MTA2: variants seen among roughly 807,000 people sequenced by gnomAD.
MTA2 encodes the protein metastasis-associated protein MTA2.
MTA2 carries 22 observed loss-of-function variants against 87.1 expected under a neutral mutation model. The observed-to-expected ratio is 0.25, with a 90% CI of 0.18 to 0.36. MTA2 has a LOEUF of 0.36. Among genes scored for constraint, MTA2 ranks in the 10% least tolerant of loss-of-function variants. MTA2 has a pLI of 1.00. For missense variants in MTA2, 542 were observed against 853.2 expected, an observed-to-expected ratio of 0.64 and a Z score of 4.54; for synonymous variants, 314 against 310.1, an observed-to-expected ratio of 1.01 and a Z score of -0.13.
At position 62,598,152 on chromosome 11, in the gene MTA2, GGA is replaced by G; in HGVS notation, c.373-13_373-12del. On this transcript the variant is annotated splice_polypyrimidine_tract_variant and intron_variant, in intron 5 of 17. Coordinates refer to ENST00000278823, the MANE Select transcript of MTA2 (RefSeq NM_004739.4). ...GTAAAAAAAGCAGTCCTGGAATTGGGGAGAGACAAGGTAAGCAAGGCAGCAAT... is the reference window on the plus strand; with the variant it reads ...GTAAAAAAAGCAGTCCTGGAATTGGGGAGACAAGGTAAGCAAGGCAGCAAT... 3 of 1,613,124 alleles carry G rather than the reference GGA, an allele frequency of 1.9e-6. No individual in the cohort carries two copies. The highest frequency in any genetic ancestry group is 2.5e-6 in the Non-Finnish European group (3 of 1,179,192).
At chr11:62,597,798 CTCT>C (rs1942119832) in intron 6 of MTA2, 86 bp from the exon 7 acceptor site, 2 of 1,131,022 alleles carry the variant, frequency 1.8e-6, no homozygotes, top group South Asian at 1.4e-5. Context: ...CCTCCTCCTT[CTCT>C]TCTTCTGCTT....
Position 62,596,722 on chromosome 11 carries a change from T to A in MTA2, c.797A>T (p.Glu266Val). ...CATGGCCTCTGAGGCTGACCATTCC[T>A]CCATCTCATCCCGACACAGCACCGG... ...GGPVLCRDEM[E>V]EWSASEAMLF... Residue 266 changes from glutamate to valine, a missense_variant, in exon 9 of 18, where the codon GAG becomes GTG. By Grantham distance (121) the Glu-to-Val change is moderately radical. Around this residue, in one of 6 missense-constraint regions of MTA2, gnomAD observed 44 missense variants for 104.8 expected, o/e 0.42. Transcript: ENST00000278823. 1 of 1,614,144 alleles carries A rather than the reference T, an allele frequency of 6.2e-7. No individual in the cohort carries two copies. The highest frequency in any genetic ancestry group is 8.5e-7 in the Non-Finnish European group (1 of 1,180,018).
chr11:62,597,926 C>T (rs1184000284), intron 6 of MTA2, 98 bp downstream of exon 6: 20 of 1,186,698 alleles, frequency 1.7e-5, no homozygotes, highest in Non-Finnish European at 2.4e-5. Flanking sequence ...CAGTGCACTG[C>T]ACAACCCCAG....
In MTA2 at chr11:62,594,498, C is replaced by A. The variant is rs1942070342; in HGVS notation, c.1692+18G>T. 6.2e-7 allele frequency: 1 copy of A among 1,613,694 alleles called. No individual in the cohort carries two copies. Among genetic ancestry groups the A allele is most frequent in the East Asian group, 2.2e-5 (1 of 44,876 alleles). On this transcript the variant is annotated intron_variant, in intron 16 of 17. Transcript: ENST00000278823. Reference sequence around the variant, plus strand: ...GCCCACCCAACTCAATCTGGCCCACCCCTTTCTGTCAACTCACAGTCTCAT... The same window carrying A: ...GCCCACCCAACTCAATCTGGCCCACACCTTTCTGTCAACTCACAGTCTCAT...
chr11:62,597,186 TCAAAA>T (rs1320737930), intron 8 of MTA2, 125 bp downstream of exon 8: 36 of 692,924 alleles, frequency 5.2e-5, no homozygotes, highest in East Asian at 2.0e-4. Context: ...AAGACTCCTC[TCAAAA>T]CAAAACAAAA....
rs12294636 is a variant in MTA2, at chr11:62,595,961, C to T, written c.1114+49G>A. The T allele has an allele frequency of 6.2e-7, 1 of 1,614,082 alleles. No individual in the cohort carries two copies. Among genetic ancestry groups the T allele is most frequent in the Non-Finnish European group, 8.5e-7 (1 of 1,179,946 alleles). On this transcript the variant is annotated intron_variant, in intron 12 of 17. Transcript: ENST00000278823. The surrounding 1 kb of genome is among the most constrained non-coding windows in gnomAD (Gnocchi z 4.9). ...CTAAGCCCCTCAGATTCTTGAGCCA[C>T]AGCAGGCCTTCCACCCATCCCCACC...
intron 8 of MTA2, 94 bp from the exon 9 acceptor site, chr11:62,596,919 G>A: frequency 6.2e-6 from 8 of 1,296,820 alleles, no homozygotes; most frequent in Non-Finnish European, 3.2e-6. Context: ...GCCGGGCGCG[G>A]TGGCTCACAC....
intron 16 of MTA2, 34 bp downstream of exon 16, chr11:62,594,482 A>G (rs1374827812): frequency 6.2e-7 from 1 of 1,613,164 alleles, no homozygotes; most frequent in Non-Finnish European, 8.5e-7. Flanking sequence ...AGCCCACCCA[A>G]CTCAATCTGG....
chr11:62,598,472 ATCT>A, intron 4 of MTA2, 47 bp downstream of exon 4: 1 of 1,607,016 alleles, frequency 6.2e-7, no homozygotes, highest in Non-Finnish European at 8.5e-7. Context: ...CCTTCTCTCC[ATCT>A]TCTACGTAAG....
intron 11 of MTA2, 72 bp downstream of exon 11, chr11:62,596,207 A>C: frequency 6.3e-7 from 1 of 1,592,868 alleles, no homozygotes; most frequent in Non-Finnish European, 8.6e-7. Context: ...GCCCACCCCC[A>C]ATCACTGAGG....
rs1242097609 is a variant in MTA2 at position 62,601,584 on chromosome 11, C to G, written c.-134G>C. ...GTCTCACTGGGGCCCGCGCAGCCGG[C>G]ACCTCCGCTGCCTCAGCCGTCGCGG... On this transcript the variant is annotated 5_prime_UTR_variant, in exon 1 of 18. Transcript: ENST00000278823. 1 of 1,041,534 alleles carries G rather than the reference C, an allele frequency of 9.6e-7. No individual in the cohort carries two copies. The highest frequency in any genetic ancestry group is 1.3e-6 in the Non-Finnish European group (1 of 747,942). The allele number at this position is 1,041,534 out of a possible 1,614,324, so 64.5% of individuals were successfully genotyped here. A position where few individuals can be genotyped will look rare whatever the true frequency, so the allele number is the denominator to read the frequency against.
At position 62,593,809 on chromosome 11, in the gene MTA2, G is replaced by A. The variant is rs1411651380; in HGVS notation, c.*66C>T. 1 of 1,588,068 alleles carries A rather than the reference G, an allele frequency of 6.3e-7. No homozygotes were observed. The highest frequency in any genetic ancestry group is 1.3e-5 in the African/African-American group (1 of 74,270). On this transcript the variant is annotated 3_prime_UTR_variant, in exon 18 of 18. Transcript: ENST00000278823. ...TCACTCCCTTCGACACGAAAGGGAA[G>A]GGAGGTTTGGGTGCCCTGGGCATCC...
At position 62,601,430 on chromosome 11, in the gene MTA2, C is replaced by T. The variant is rs1942197603; in HGVS notation, c.21G>A (p.Arg7=). 1.2e-6 allele frequency: 2 copies of T among 1,610,948 alleles called. No individual in the cohort carries two copies. Among genetic ancestry groups the T allele is most frequent in the South Asian group, 1.1e-5 (1 of 90,824 alleles). The change falls in exon 1 of 18, where the codon CGG becomes CGA. Residue 7 remains arginine, a synonymous_variant. Coordinates refer to ENST00000278823, the MANE Select transcript of MTA2 (RefSeq NM_004739.4). MAANMY[R]VGDYVYFENS... ...CCTGCGCCCGGTACTCACCTCCCACCCGGTACATGTTGGCCGCCATGGCCG... is the reference window on the plus strand; with the variant it reads ...CCTGCGCCCGGTACTCACCTCCCACTCGGTACATGTTGGCCGCCATGGCCG...
Position 62,594,369 on chromosome 11 carries a change from C to A in MTA2, c.1731G>T (p.Arg577Ser). The A allele has an allele frequency of 6.2e-7, 1 of 1,614,184 alleles. No homozygotes were observed. Among genetic ancestry groups the A allele is most frequent in the South Asian group, 1.1e-5 (1 of 91,084 alleles). The stretch of plus-strand genomic sequence containing the variant: ...TTGAACGAATCCCTGAAGCCAGAGG[C>A]CTTCCATTGGCAGAGAAAGGAACCC... ...GAGVPFSANG[R>S]PLASGIRSSS... The change falls in exon 17 of 18, where the codon AGG becomes AGT. Residue 577 changes from arginine (R) to serine (S), a missense_variant. Physicochemically the swap from Arg to Ser is moderately radical, Grantham distance 110. Around this residue, in one of 6 missense-constraint regions of MTA2, gnomAD observed 269 missense variants for 346.4 expected, o/e 0.78. Transcript: ENST00000278823.
Position 62,594,339 on chromosome 11 carries a change from T to C in MTA2, c.1761A>G (p.Ser587=), listed in dbSNP as rs1190619930. 1.9e-6 allele frequency: 3 copies of C among 1,613,980 alleles called. No homozygotes were observed. Among genetic ancestry groups the C allele is most frequent in the Non-Finnish European group, 2.5e-6 (3 of 1,179,876 alleles). The part of the protein sequence containing the change: ...RPLASGIRSS[S]QPAAKRQKLN... ...GTTTCTGACGCTTGGCTGCTGGCTG[T>C]GAGCTTGAACGAATCCCTGAAGCCA... is the stretch of plus-strand genomic sequence containing the variant. Residue 587 remains serine (S), a synonymous_variant, in exon 17 of 18, where the codon TCA becomes TCG. Transcript: ENST00000278823.
chr11:62,598,603 G>C lies in MTA2; in HGVS notation c.227C>G (p.Ser76Cys). The C allele has an allele frequency of 6.2e-7, 1 of 1,614,080 alleles. No individual in the cohort carries two copies. Residue 76 changes from serine to cysteine, a missense_variant, in exon 4 of 18, where the codon TCT (serine) becomes TGT (cysteine). Physicochemically the swap from Ser to Cys is moderately radical, Grantham distance 112 (BLOSUM62 -1). Transcript: ENST00000278823. ...FEEESKQPGV[S>C]EQQRHQLKHR... The stretch of plus-strand genomic sequence containing the variant: ...CTTCAGTTGATGGCGCTGCTGCTCA[G>C]ACACCCCTGGCTGCTTTGATTCCTC...
chr11:62,596,671 T>G lies in MTA2; in HGVS notation c.848A>C (p.Tyr283Ser). Reference protein sequence around the residue: ...AMLFEEALEKYGKDFNDIRQD... With the variant: ...AMLFEEALEKSGKDFNDIRQD... ...GCGAATATCATTGAAGTCCTTCCCA[T>G]ACTTCTCTAGGGCCTCCTCAAATAG... Residue 283 changes from tyrosine to serine, a missense_variant, in exon 9 of 18, where the codon TAT becomes TCT. By Grantham distance (144) the Tyr-to-Ser change is moderately radical. Coordinates refer to ENST00000278823, the MANE Select transcript of MTA2 (RefSeq NM_004739.4). 1 of 1,613,636 alleles carries G rather than the reference T, an allele frequency of 6.2e-7. No individual in the cohort carries two copies. Among genetic ancestry groups the G allele is most frequent in the Non-Finnish European group, 8.5e-7 (1 of 1,179,726 alleles).
intron 3 of MTA2, chr11:62,599,094 T>G (rs1425937227): frequency 6.1e-6 from 1 of 162,804 alleles, no homozygotes; most frequent in Non-Finnish European, 1.3e-5. Context: ...TAACTATCCC[T>G]CATTTTCTAC....
chr11:62,597,058 G>A (rs1273414628), intron 8 of MTA2, among the ~76,000 whole-genome samples: 5 of 152,106 alleles, frequency 3.3e-5, no homozygotes, highest in South Asian at 2.1e-4. Flanking sequence ...GCGTGGTGGC[G>A]GGTGCCTGTA....
Sources: allele counts gnomAD v4.1 joint callset (sites outside exome capture counted in the v4.1 genomes callset), GRCh38; gene constraint gnomAD v4.1.1; regional missense constraint gnomAD v4.1.1; non-coding constraint Gnocchi (gnomAD v3.1); transcripts MANE v1.5; gene names NCBI Gene and HGNC (gene_info 2026-07-23, HGNC 2026-07-21).